Variants in ARHGEF18 observed in about 807,000 individuals in gnomAD.
ARHGEF18 encodes the protein rho guanine nucleotide exchange factor 18.
A neutral mutation model predicts 155.7 loss-of-function variants in ARHGEF18; 93 were observed. The ratio of observed to expected loss-of-function variants is 0.60; its 90% CI spans 0.50 to 0.71. The LOEUF is 0.71. Among genes scored for constraint, ARHGEF18 ranks in the 30% least tolerant of loss-of-function variants. The pLI is 0.00. For missense variants in ARHGEF18, 1,593 were observed against 1,816.1 expected (o/e 0.88, Z 2.23); for synonymous variants, 742 against 753.1 (o/e 0.99, Z 0.24).
rs552616985 is a variant in ARHGEF18, at chr19:7,440,803, G to C, written c.1106+321G>C. Among the ~76,000 whole-genome samples, 22 of 152,208 alleles carry C rather than the reference G, an allele frequency of 1.4e-4. No homozygotes were observed. The South Asian group carries it at 4.4e-3, about 30-fold the overall frequency. On this transcript the variant is annotated intron_variant, in intron 11 of 28. Coordinates refer to ENST00000668164, the MANE Select transcript of ARHGEF18 (RefSeq NM_001367823.1). This position sits in a 1 kb window ranked among gnomAD's most constrained non-coding sequence, Gnocchi z 5.4. ...AAAGTCCTGCTGGGTGTGTGGAGGC[G>C]GCGTCCCATTATCTGTGCCTTACCT...
At position 7,391,814 on chromosome 19, in the gene ARHGEF18, G is replaced by T. The variant is rs976475322; in HGVS notation, c.967+8611G>T. ...CCGCTCAACACCCTCCAGTGCATAG[G>T]AGACCACCCCTGCCACCACCACCGA... On this transcript the variant is annotated intron_variant, in intron 10 of 28. Coordinates refer to ENST00000668164, the MANE Select transcript of ARHGEF18 (RefSeq NM_001367823.1). Among the ~76,000 whole-genome samples the T allele has an allele frequency of 4.1e-5, 6 of 147,386 alleles. No homozygotes were observed. In the East Asian group the frequency reaches 1.2e-3, roughly 30 times the overall value.
intron 26 of ARHGEF18, among the ~76,000 whole-genome samples, chr19:7,468,277 T>C: frequency 7.0e-6 from 1 of 143,448 alleles, no homozygotes; most frequent in Non-Finnish European, 1.5e-5. Flanking sequence ...TGAAGCTGGG[T>C]GCCATGGTGT....
intron 10 of ARHGEF18, chr19:7,439,639 C>G: frequency 9.0e-7 from 1 of 1,107,148 alleles, no homozygotes; most frequent in Non-Finnish European, 1.1e-6. Context: ...AGCCTCGCGT[C>G]CACTTCGATG....
intron 10 of ARHGEF18, chr19:7,439,905 C>A: frequency 4.1e-6 from 6 of 1,452,540 alleles, no homozygotes; most frequent in East Asian, 5.1e-5. Context: ...CTGTTTTATT[C>A]TATCAAAGCA....
chr19:7,376,152 T>C (rs780699804), intron 4 of ARHGEF18, among the ~76,000 whole-genome samples: 5 of 152,136 alleles, frequency 3.3e-5, no homozygotes, highest in Non-Finnish European at 7.4e-5. Flanking sequence ...GGATGTCTTA[T>C]CTTGCAGTTT....
chr19:7,419,548 C>T (rs947575337), intron 10 of ARHGEF18, among the ~76,000 whole-genome samples: 1 of 152,108 alleles, frequency 6.6e-6, no homozygotes, highest in African/African-American at 2.4e-5. Context: ...CTCTCCCTAC[C>T]CTTGCCTGCT....
At chr19:7,360,386 C>T (rs967851356) in intron 1 of ARHGEF18, among the ~76,000 whole-genome samples, 1 of 152,144 alleles carries the variant, frequency 6.6e-6, no homozygotes, top group Non-Finnish European at 1.5e-5. Context: ...TAAGCACATG[C>T]CACCATGCCC....
chr19:7,411,029 A>G (rs762282625), intron 10 of ARHGEF18, among the ~76,000 whole-genome samples: 1 of 152,022 alleles, frequency 6.6e-6, no homozygotes, highest in Non-Finnish European at 1.5e-5. Context: ...AGCATCTGCA[A>G]TATCTATAGG....
chr19:7,422,939 A>C (rs1234147252), intron 10 of ARHGEF18, among the ~76,000 whole-genome samples: 1 of 151,978 alleles, frequency 6.6e-6, no homozygotes, highest in African/African-American at 2.4e-5. Flanking sequence ...GGCTGATCTC[A>C]AACTCCTGAT....
At chr19:7,456,574 G>A (rs7257555) in intron 18 of ARHGEF18, among the ~76,000 whole-genome samples, 171 bp downstream of exon 18, 7,485 of 151,940 alleles carry the variant, frequency 0.049, 611 homozygotes, top group African/African-American at 0.17. Flanking sequence ...AAAATTAGCC[G>A]GGCATGGTGG....
At chr19:7,476,529 G>A (rs1210452514), downstream of ARHGEF18, among the ~76,000 whole-genome samples, 1 of 152,256 alleles carries the variant, frequency 6.6e-6, no homozygotes, top group African/African-American at 2.4e-5. Flanking sequence ...TATCTTCAGC[G>A]ATGCCAGTGT....
chr19:7,386,432 T>A (rs1971078668), intron 10 of ARHGEF18, among the ~76,000 whole-genome samples: 1 of 151,032 alleles, frequency 6.6e-6, no homozygotes, highest in South Asian at 2.1e-4. Context: ...GATGACCAAG[T>A]TGCCACGTGT....
intron 10 of ARHGEF18, among the ~76,000 whole-genome samples, chr19:7,434,549 G>A (rs1044485373): frequency 3.9e-5 from 6 of 152,318 alleles, no homozygotes; most frequent in Middle Eastern, 3.4e-3. Flanking sequence ...GGCAGGAGGC[G>A]CTAATTAGAC....
At chr19:7,478,438 C>T in the ARHGEF18 span, 44 of 1,523,860 alleles carry the variant, frequency 2.9e-5, no homozygotes, top group Middle Eastern at 1.7e-4. Context: ...AGCTCCACAA[C>T]GCTGGCCCCG....
intron 18 of ARHGEF18, among the ~76,000 whole-genome samples, chr19:7,458,261 TG>T (rs1975971476): frequency 7.5e-6 from 1 of 133,720 alleles, no homozygotes; most frequent in Non-Finnish European, 1.5e-5. Flanking sequence ...CACTACAGCC[TG>T]GGTGACAGAG....
intron 10 of ARHGEF18, among the ~76,000 whole-genome samples, chr19:7,394,356 G>C (rs1406191782): frequency 1.3e-5 from 2 of 151,996 alleles, no homozygotes; most frequent in African/African-American, 2.4e-5. Context: ...CCCTGATGCT[G>C]CTTCTTTTTT....
At chr19:7,401,324 C>A (rs565157082) in intron 10 of ARHGEF18, among the ~76,000 whole-genome samples, 1 of 152,076 alleles carries the variant, frequency 6.6e-6, no homozygotes, top group Admixed American at 6.6e-5. Flanking sequence ...CTTGCCCTGT[C>A]GCCCAGGCTG....
At chr19:7,431,529 A>AAAAAAAAAAAAAAAAAAAG (rs901539858) in intron 10 of ARHGEF18, among the ~76,000 whole-genome samples, 13 of 146,948 alleles carry the variant, frequency 8.8e-5, no homozygotes, top group South Asian at 6.7e-4. Flanking sequence ...AAAAAAAAAA[A>AAAAAAAAAAAAAAAAAAAG]AAAAGGCCGG....
At chr19:7,428,315 G>C (rs565597790) in intron 10 of ARHGEF18, among the ~76,000 whole-genome samples, 1 of 152,092 alleles carries the variant, frequency 6.6e-6, no homozygotes, top group Non-Finnish European at 1.5e-5. Flanking sequence ...CCCATCTGTC[G>C]GGCCAGGCGC....
Sources: allele counts gnomAD v4.1 joint callset (sites outside exome capture counted in the v4.1 genomes callset), GRCh38; gene constraint gnomAD v4.1.1; non-coding constraint Gnocchi (gnomAD v3.1); transcripts MANE v1.5; gene names NCBI Gene and HGNC (gene_info 2026-07-23, HGNC 2026-07-21).